The following SETX variants were observed in gnomAD, a reference collection of about 807,000 sequenced individuals.
SETX encodes the protein helicase senataxin.
Under a neutral mutation model 227.2 loss-of-function variants are expected in SETX, and 90 were observed. That is an observed-to-expected ratio of 0.40 (90% CI 0.33 to 0.47). The LOEUF (loss-of-function observed/expected upper bound fraction) is 0.47, where lower values mean the gene tolerates loss of function less well. SETX is among the 20% of genes least tolerant of loss of function. SETX has a pLI of 0.91. For synonymous variants in SETX, 1,210 were observed against 1,113.2 expected (o/e 1.09, Z -1.73); for missense variants, 3,052 against 3,181.5 (o/e 0.96, Z 0.98).
At chr9:132,288,743 T>C (rs2131248982) in intron 15 of SETX, 92 bp from the exon 16 acceptor site, 1 of 875,808 alleles carries the variant, frequency 1.1e-6, no homozygotes, top group East Asian at 2.6e-5. Flanking sequence ...AGTAAATATG[T>C]TAATAATCAG....
In SETX at chr9:132,278,265, G is replaced by T. The variant is rs1248050690; in HGVS notation, c.6655-8C>A. The stretch of plus-strand genomic sequence containing the variant: ...GCCATACTCCTGTGCTTTCTGTGAG[G>T]GGCAAAATAAAGCAACAGTTTCCAA... On this transcript the variant is annotated splice_region_variant and splice_polypyrimidine_tract_variant and intron_variant, in intron 20 of 25. Transcript: ENST00000224140. 2.5e-6 allele frequency: 4 copies of T among 1,613,746 alleles called. No individual in the cohort carries two copies. In the East Asian group the frequency reaches 8.9e-5, roughly 36 times the overall value.
chr9:132,329,286 G>C lies in SETX; in HGVS notation c.2312C>G (p.Ala771Gly). 1 of 1,613,880 alleles carries C rather than the reference G, an allele frequency of 6.2e-7. No homozygotes were observed. Among genetic ancestry groups the C allele is most frequent in the Non-Finnish European group, 8.5e-7 (1 of 1,179,912 alleles). The change falls in exon 10 of 26, where the codon GCT becomes GGT. Residue 771 changes from alanine (A) to glycine (G), a missense_variant. Around this residue, in one of 10 missense-constraint regions of SETX, gnomAD observed 1,483 missense variants for 1,312.0 expected, o/e 1.13. Coordinates refer to ENST00000224140, the MANE Select transcript of SETX (RefSeq NM_015046.7). ...TTTTCGTTTTGAGGTTTTAGCAAGAGCATCATCCTTTAAAGAGAAATCTTC... is the reference window on the plus strand; with the variant it reads ...TTTTCGTTTTGAGGTTTTAGCAAGACCATCATCCTTTAAAGAGAAATCTTC... ...SNEDFSLKDDALAKTSKRKTK... is the reference protein window; with the variant it reads ...SNEDFSLKDDGLAKTSKRKTK...
chr9:132,306,305 T>C (rs1845332034), intron 11 of SETX, among the ~76,000 whole-genome samples: 1 of 152,166 alleles, frequency 6.6e-6, no homozygotes, highest in Non-Finnish European at 1.5e-5. Flanking sequence ...CTCTGCCTCT[T>C]GCGTTCAAGC....
intron 25 of SETX, 69 bp downstream of exon 25, chr9:132,269,545 GA>G: frequency 4.3e-6 from 7 of 1,609,358 alleles, no homozygotes; most frequent in Non-Finnish European, 5.1e-6. Flanking sequence ...CACTTTGATG[GA>G]AAATAAGAAC....
In SETX at chr9:132,334,831, G is replaced by T. The variant is rs1273721367; in HGVS notation, c.719-104C>A. The T allele has an allele frequency of 5.6e-6, 7 of 1,261,004 alleles. No individual in the cohort carries two copies. In the Admixed American group the frequency reaches 8.7e-5, roughly 16 times the overall value. The allele number at this position is 1,261,004 out of a possible 1,614,324, so 78.1% of individuals were successfully genotyped here. A position where few individuals can be genotyped will look rare whatever the true frequency, so the allele number is the denominator to read the frequency against. Reference sequence around the variant, plus strand: ...CAAGGCAGGAAGATGAAGCAAGATAGTATTTAGTTTCTCAAACATTTAAGT... The same window carrying T: ...CAAGGCAGGAAGATGAAGCAAGATATTATTTAGTTTCTCAAACATTTAAGT... On this transcript the variant is annotated intron_variant, in intron 6 of 25. Coordinates refer to ENST00000224140, the MANE Select transcript of SETX (RefSeq NM_015046.7).
At chr9:132,273,245 C>T (rs949528838) in intron 23 of SETX, among the ~76,000 whole-genome samples, 1 of 152,116 alleles carries the variant, frequency 6.6e-6, no homozygotes, top group African/African-American at 2.4e-5. Context: ...TCACTGCAAC[C>T]TCTGCTTCCC....
intron 11 of SETX, among the ~76,000 whole-genome samples, chr9:132,303,848 G>A (rs1307195116): frequency 6.6e-6 from 1 of 152,158 alleles, no homozygotes; most frequent in African/African-American, 2.4e-5. Flanking sequence ...CCACATGGGC[G>A]CAGTAGCTCA....
chr9:132,296,485 C>T (rs1424564506), intron 14 of SETX, among the ~76,000 whole-genome samples: 2 of 152,132 alleles, frequency 1.3e-5, no homozygotes, highest in African/African-American at 4.8e-5. Flanking sequence ...AATCACTTGA[C>T]CTGGGAGGCA....
At chr9:132,275,911 T>C (rs1843136079) in intron 22 of SETX, among the ~76,000 whole-genome samples, 1 of 152,106 alleles carries the variant, frequency 6.6e-6, no homozygotes, top group African/African-American at 2.4e-5. Flanking sequence ...GCAGCTGCCA[T>C]CCACACAGAC....
chr9:132,349,281 C>G lies in SETX; in HGVS notation c.148G>C (p.Ala50Pro). The G allele has an allele frequency of 6.2e-7, 1 of 1,614,056 alleles. No homozygotes were observed. The highest frequency in any genetic ancestry group is 8.5e-7 in the Non-Finnish European group (1 of 1,180,032). The change falls in exon 3 of 26, where the codon GCA (alanine) becomes CCA (proline). Residue 50 changes from alanine to proline, a missense_variant. By Grantham distance (27) the Ala-to-Pro change is conservative. This residue lies in a region of SETX where 152 missense variants were observed against 156.2 expected (regional missense o/e 0.97). Transcript: ENST00000224140. ...CLECVAEYHK[A>P]RDELPFLHEV... ...TGCAAGAATGGCAATTCATCTCTTG[C>G]TTTGTGGTACTCAGCCACACACTCC...
intron 19 of SETX, among the ~76,000 whole-genome samples, chr9:132,282,472 T>C (rs138445009): frequency 4.6e-4 from 70 of 151,944 alleles, no homozygotes; most frequent in Non-Finnish European, 8.5e-4. Flanking sequence ...GTCTTTTTAG[T>C]AGAGACAAGG....
At chr9:132,283,458 C>T (rs763148988) in intron 18 of SETX, 45 bp from the exon 19 acceptor site, 5 of 1,609,494 alleles carry the variant, frequency 3.1e-6, no homozygotes, top group Non-Finnish European at 4.3e-6. Context: ...TACATCAATC[C>T]TTGACTATGA....
In SETX at chr9:132,262,012, G is replaced by A. The variant is rs1414589751; in HGVS notation, c.*2227C>T. 2 of 154,120 alleles carry A rather than the reference G, an allele frequency of 1.3e-5. No individual in the cohort carries two copies. The highest frequency in any genetic ancestry group is 2.9e-5 in the Non-Finnish European group (2 of 68,142). The allele number at this position is 154,120 out of a possible 1,614,324, so 9.5% of individuals were successfully genotyped here. ...CTTTGGCAAATACTTGTACCAACTG[G>A]AACGAGTGAAGTTTCAAAAGTAATG... On this transcript the variant is annotated 3_prime_UTR_variant, in exon 26 of 26. Coordinates refer to ENST00000224140, the MANE Select transcript of SETX (RefSeq NM_015046.7).
intron 10 of SETX, among the ~76,000 whole-genome samples, chr9:132,314,214 T>G (rs542593916): frequency 9.4e-4 from 143 of 152,314 alleles, no homozygotes; most frequent in Non-Finnish European, 1.8e-3. Flanking sequence ...TGCCTCAGCC[T>G]CCCAAGTAGC....
intron 2 of SETX, among the ~76,000 whole-genome samples, chr9:132,350,431 T>C (rs915315186): frequency 3.3e-5 from 5 of 152,124 alleles, no homozygotes; most frequent in Admixed American, 2.0e-4. Flanking sequence ...TTTTTGAGTA[T>C]CACCGTCACC....
At position 132,336,367 on chromosome 9, in the gene SETX, A is replaced by G. The variant is rs761751499; in HGVS notation, c.647T>C (p.Leu216Pro). 5 of 1,614,032 alleles carry G rather than the reference A, an allele frequency of 3.1e-6. No individual in the cohort carries two copies. In the African/African-American group the frequency reaches 5.3e-5, roughly 17 times the overall value. The change falls in exon 6 of 26, where the codon CTA becomes CCA. Residue 216 changes from leucine (L) to proline (P), a missense_variant. Leu to Pro is a moderately conservative substitution (Grantham distance 98). This residue lies in a region of SETX where 239 missense variants were observed against 240.8 expected (regional missense o/e 0.99). Transcript: ENST00000224140. ...CAGAAGAATCAGTTTACCCTTCTCT[A>G]GGACAGAAGAAGTATAAATGTCTGG... ...ESPDIYTSSV[L>P]EKGKLILLPS...
chr9:132,301,490 T>A (rs1024234334), intron 11 of SETX, among the ~76,000 whole-genome samples: 2 of 152,168 alleles, frequency 1.3e-5, no homozygotes, highest in African/African-American at 4.8e-5. Flanking sequence ...CATAATGATG[T>A]TGTGGTCAGT....
intron 15 of SETX, among the ~76,000 whole-genome samples, chr9:132,293,511 TC>T (rs2131272714): frequency 6.6e-6 from 1 of 152,192 alleles, no homozygotes; most frequent in Admixed American, 6.5e-5. Flanking sequence ...AACCTCCACT[TC>T]CCGGGTTCAA....
In SETX at chr9:132,302,652, C is replaced by T. The variant is rs1481588181; in HGVS notation, c.5375-1849G>A. On this transcript the variant is annotated intron_variant, in intron 11 of 25. Coordinates refer to ENST00000224140, the MANE Select transcript of SETX (RefSeq NM_015046.7). Reference sequence around the variant, plus strand: ...TCCAGCCTGGGCAACAAGAGTGAGACTTTGTCTCAAAAAAAAAAAAAAAAA... The same window carrying T: ...TCCAGCCTGGGCAACAAGAGTGAGATTTTGTCTCAAAAAAAAAAAAAAAAA... Among the ~76,000 whole-genome samples, 145 of 92,968 alleles carry T rather than the reference C, an allele frequency of 1.6e-3. 1 individual carries two copies. The highest frequency in any genetic ancestry group is 5.9e-3 in the African/African-American group (135 of 22,736). 61.0% of individuals were successfully genotyped at this position (92,968 alleles called of 152,430 possible).
Sources: allele counts gnomAD v4.1 joint callset (sites outside exome capture counted in the v4.1 genomes callset), GRCh38; gene constraint gnomAD v4.1.1; regional missense constraint gnomAD v4.1.1; transcripts MANE v1.5; gene names NCBI Gene and HGNC (gene_info 2026-07-23, HGNC 2026-07-21).